RAB3B: variants seen among roughly 807,000 people sequenced by gnomAD.
The protein encoded by RAB3B is ras-related protein Rab-3B.
In RAB3B, 11 loss-of-function variants were observed where a neutral mutation model predicts 20.5. That is an observed-to-expected ratio of 0.54 (90% CI 0.34 to 0.89). The LOEUF is 0.89. Ranked by LOEUF, RAB3B falls within the 40% of genes least tolerant of loss-of-function variation. RAB3B has a pLI of 0.02. For missense variants in RAB3B, 225 were observed against 280.9 expected (o/e 0.80, Z 1.42); for synonymous variants, 99 against 106.3 (o/e 0.93, Z 0.42).
At chr1:51,929,622 A>G (rs1188116842) in intron 4 of RAB3B, among the ~76,000 whole-genome samples, 1 of 151,886 alleles carries the variant, frequency 6.6e-6, no homozygotes, top group Non-Finnish European at 1.5e-5. Context: ...AGCCAATTCT[A>G]TTTTTTTTAT....
intron 2 of RAB3B, among the ~76,000 whole-genome samples, chr1:51,951,718 A>T (rs1684644978): frequency 6.6e-6 from 1 of 152,132 alleles, no homozygotes; most frequent in Admixed American, 6.5e-5. Flanking sequence ...GGAGCCTGAG[A>T]TGGAAGAATC....
At chr1:51,977,654 A>G (rs1685028124) in intron 1 of RAB3B, among the ~76,000 whole-genome samples, 1 of 152,174 alleles carries the variant, frequency 6.6e-6, no homozygotes, top group Admixed American at 6.5e-5. Flanking sequence ...AAGACTCAGT[A>G]AAGGGCTATC....
chr1:51,988,562 AT>A (rs1034948076), intron 1 of RAB3B, among the ~76,000 whole-genome samples: 2 of 152,164 alleles, frequency 1.3e-5, no homozygotes, highest in African/African-American at 2.4e-5. Flanking sequence ...CTCTTTGTAC[AT>A]TGTTTTACAG....
At chr1:51,956,288 C>T (rs891650202) in intron 2 of RAB3B, among the ~76,000 whole-genome samples, 5 of 152,200 alleles carry the variant, frequency 3.3e-5, no homozygotes, top group South Asian at 2.1e-4. Context: ...ATTGTTAACA[C>T]GAATTGAGTA....
intron 3 of RAB3B, among the ~76,000 whole-genome samples, chr1:51,935,696 G>A (rs754884780): frequency 5.3e-5 from 8 of 152,104 alleles, no homozygotes; most frequent in African/African-American, 1.2e-4. Context: ...AATGGGCAGC[G>A]TGGAGACACT....
chr1:51,937,996 CTTTTTTT>C (rs77664152), intron 2 of RAB3B, among the ~76,000 whole-genome samples: 31 of 88,730 alleles, frequency 3.5e-4, no homozygotes, highest in East Asian at 3.2e-3. Flanking sequence ...ATTTTTGTTT[CTTTTTTT>C]TTTTTTTTTT....
At chr1:51,989,511 C>CT (rs1301137253) in intron 1 of RAB3B, among the ~76,000 whole-genome samples, 1 of 151,938 alleles carries the variant, frequency 6.6e-6, no homozygotes, top group Non-Finnish European at 1.5e-5. Context: ...CCCCCATTAC[C>CT]TTTCCACCCT....
chr1:51,915,998 C>T lies in RAB3B; in HGVS notation c.*3929G>A, dbSNP rs1272067015. 2.6e-5 allele frequency: 4 copies of T among 152,212 alleles called. No homozygotes were observed. Among genetic ancestry groups the T allele is most frequent in the African/African-American group, 9.7e-5 (4 of 41,442 alleles). 9.4% of individuals were successfully genotyped at this position (152,212 alleles called of 1,614,324 possible). ...TGAGCTGCTGCGCCCAGCCAGAAGT[C>T]AAGAGTTTTTAAATATTTTATTTGG... is the stretch of plus-strand genomic sequence containing the variant. On this transcript the variant is annotated 3_prime_UTR_variant, in exon 5 of 5. Transcript: ENST00000371655.
chr1:51,957,853 T>C (rs1684728275), intron 2 of RAB3B, among the ~76,000 whole-genome samples: 1 of 152,132 alleles, frequency 6.6e-6, no homozygotes, highest in African/African-American at 2.4e-5. Flanking sequence ...TAAGCCTCCG[T>C]TGGTGGTAAA....
rs191716117 is a variant in RAB3B at position 51,939,009 on chromosome 1, T to A, written c.229-1597A>T. On this transcript the variant is annotated intron_variant, in intron 2 of 4. Coordinates refer to ENST00000371655, the MANE Select transcript of RAB3B (RefSeq NM_002867.4). ...CTACAATGAGCACATATTACTCTTA[T>A]GTAAGGAGAAATAAACATTTTTTCA... Among the ~76,000 whole-genome samples, 26 of 152,304 alleles carry A rather than the reference T, an allele frequency of 1.7e-4. No homozygotes were observed. In the South Asian group the frequency reaches 5.2e-3, roughly 30 times the overall value.
At chr1:51,929,561 C>T (rs1684295165) in intron 4 of RAB3B, among the ~76,000 whole-genome samples, 1 of 152,236 alleles carries the variant, frequency 6.6e-6, no homozygotes, top group South Asian at 2.1e-4. Flanking sequence ...AGTGATCCAC[C>T]CACCTCAGCC....
rs1481334429 is a variant in RAB3B, at chr1:51,937,350, G to A, written c.291C>T (p.Gly97=). Residue 97 remains glycine, a synonymous_variant, in exon 3 of 5, where the codon GGC becomes GGT. Transcript: ENST00000371655. The part of the protein sequence containing the change: ...ITTAYYRGAM[G]FILMYDITNE... ...TGGTGATGTCATACATCAGAATGAAGCCCATGGCCCCACGGTAATAGGCTG... is the reference window on the plus strand; with the variant it reads ...TGGTGATGTCATACATCAGAATGAAACCCATGGCCCCACGGTAATAGGCTG... 2 of 1,613,548 alleles carry A rather than the reference G, an allele frequency of 1.2e-6. No homozygotes were observed. Among genetic ancestry groups the A allele is most frequent in the African/African-American group, 1.3e-5 (1 of 74,916 alleles).
chr1:51,970,080 A>C (rs1684907381), intron 2 of RAB3B, among the ~76,000 whole-genome samples: 1 of 151,420 alleles, frequency 6.6e-6, no homozygotes, highest in Non-Finnish European at 1.5e-5. Context: ...AAAAAAAAAA[A>C]ACCCAAAAAA....
intron 2 of RAB3B, among the ~76,000 whole-genome samples, chr1:51,958,631 G>A (rs1178413211): frequency 2.0e-5 from 3 of 152,026 alleles, no homozygotes; most frequent in African/African-American, 7.2e-5. Context: ...GCTGAGGCAG[G>A]AGAATCACTT....
chr1:51,933,104 A>G (rs1684348614), intron 4 of RAB3B, among the ~76,000 whole-genome samples: 1 of 152,258 alleles, frequency 6.6e-6, no homozygotes, highest in Admixed American at 6.5e-5. Context: ...CAAAATATAT[A>G]CATATCAAAA....
chr1:51,920,748 T>C (rs1224084771), intron 4 of RAB3B, among the ~76,000 whole-genome samples: 3 of 152,106 alleles, frequency 2.0e-5, no homozygotes, highest in Non-Finnish European at 4.4e-5. Context: ...TTCCTCCTCT[T>C]TCCCCTGCCT....
chr1:51,981,644 C>G (rs969156815), intron 1 of RAB3B, among the ~76,000 whole-genome samples: 4 of 152,162 alleles, frequency 2.6e-5, no homozygotes, highest in Admixed American at 6.6e-5. Context: ...TAGCAAATCA[C>G]TTAAATTTTA....
At position 51,912,592 on chromosome 1, in the gene RAB3B, T is replaced by TAC. The variant is rs1684020506; in HGVS notation, c.*7334_*7335insGT. 1 of 41,756 alleles carries TAC rather than the reference T, an allele frequency of 2.4e-5. No homozygotes were observed. The highest frequency in any genetic ancestry group is 8.3e-5 in the African/African-American group (1 of 12,108). The allele number at this position is 41,756 out of a possible 1,614,324, so 2.6% of individuals were successfully genotyped here. A position where few individuals can be genotyped will look rare whatever the true frequency, so the allele number is the denominator to read the frequency against. On this transcript the variant is annotated 3_prime_UTR_variant, in exon 5 of 5. Coordinates refer to ENST00000371655, the MANE Select transcript of RAB3B (RefSeq NM_002867.4). ...ATATATATATATATATATATATATA[T>TAC]ATATATATAAAAAATGTTACTCCTG...
intron 2 of RAB3B, among the ~76,000 whole-genome samples, chr1:51,975,668 G>A (rs1038669362): frequency 6.6e-6 from 1 of 152,202 alleles, no homozygotes; most frequent in African/African-American, 2.4e-5. Context: ...CCAACAGCTA[G>A]CACCAGACAT....
Sources: allele counts gnomAD v4.1 joint callset (sites outside exome capture counted in the v4.1 genomes callset), GRCh38; gene constraint gnomAD v4.1.1; transcripts MANE v1.5; gene names NCBI Gene and HGNC (gene_info 2026-07-23, HGNC 2026-07-21).